The following PCDHAC1 variants were observed in gnomAD, a reference collection of about 807,000 sequenced individuals.
The protein encoded by PCDHAC1 is protocadherin alpha subfamily C, 1.
In PCDHAC1, 42 loss-of-function variants were observed where a neutral mutation model predicts 60.0. The ratio of observed to expected loss-of-function variants is 0.70; its 90% CI spans 0.55 to 0.90. The LOEUF (loss-of-function observed/expected upper bound fraction) is 0.90. Among genes scored for constraint, PCDHAC1 ranks in the 40% least tolerant of loss-of-function variants. The probability of loss-of-function intolerance (pLI) is 0.00; values close to 1 mark genes in which losing one functional copy is unlikely to be tolerated. For missense variants in PCDHAC1, 1,160 were observed against 1,222.3 expected, an observed-to-expected ratio of 0.95 and a Z score of 0.76; for synonymous variants, 468 against 499.3, an observed-to-expected ratio of 0.94 and a Z score of 0.84.
chr5:140,945,516 A>C (rs1192013721), intron 1 of PCDHAC1, among the ~76,000 whole-genome samples: 2 of 152,154 alleles, frequency 1.3e-5, no homozygotes, highest in Non-Finnish European at 2.9e-5. Flanking sequence ...AAAGTAAATA[A>C]ATAAATAAAA....
At chr5:140,953,952 C>G (rs1025145135) in intron 1 of PCDHAC1, among the ~76,000 whole-genome samples, 1 of 152,084 alleles carries the variant, frequency 6.6e-6, no homozygotes, top group Non-Finnish European at 1.5e-5. Flanking sequence ...GCTCCCCCAA[C>G]AGGCCCCAGT....
At chr5:140,975,003 A>G (rs1170426656) in intron 1 of PCDHAC1, among the ~76,000 whole-genome samples, 3 of 152,152 alleles carry the variant, frequency 2.0e-5, no homozygotes, top group Non-Finnish European at 4.4e-5. Flanking sequence ...CAAGGCTGAA[A>G]TGAACACAGC....
chr5:140,930,084 A>T (rs1350674790), intron 1 of PCDHAC1: 2 of 152,142 alleles, frequency 1.3e-5, no homozygotes, highest in Non-Finnish European at 2.9e-5. Flanking sequence ...CTCTCATAAC[A>T]TCTATTTATA....
At chr5:140,952,352 A>G (rs2094730295) in intron 1 of PCDHAC1, among the ~76,000 whole-genome samples, 1 of 103,372 alleles carries the variant, frequency 9.7e-6, no homozygotes, top group Non-Finnish European at 2.0e-5. Flanking sequence ...AAAAAAAAAA[A>G]AAGAAAGAAA....
At chr5:140,967,046 C>T in intron 1 of PCDHAC1, 1 of 1,612,334 alleles carries the variant, frequency 6.2e-7, no homozygotes, top group African/African-American at 1.3e-5. Context: ...GGAGCTGGAC[C>T]TGACGAGTGG....
chr5:140,928,943 T>C lies in PCDHAC1; in HGVS notation c.2051T>C (p.Leu684Ser). ...CAGCTTTCTGCCCAGAACTTGTATTTAGTAATTGCCTTGGCTTGTATTTCC... is the reference window on the plus strand; with the variant it reads ...CAGCTTTCTGCCCAGAACTTGTATTCAGTAATTGCCTTGGCTTGTATTTCC... ...GGQLSAQNLY[L>S]VIALACISFL... The change falls in exon 1 of 4, where the codon TTA becomes TCA. Residue 684 changes from leucine (L) to serine (S), a missense_variant. Around this residue, in one of 3 missense-constraint regions of PCDHAC1, gnomAD observed 1,113 missense variants for 1,163.7 expected, o/e 0.96. Transcript: ENST00000253807. 6.2e-7 allele frequency: 1 copy of C among 1,614,090 alleles called. No homozygotes were observed. The highest frequency in any genetic ancestry group is 8.5e-7 in the Non-Finnish European group (1 of 1,179,998).
At chr5:140,937,789 G>A (rs1413517840) in intron 1 of PCDHAC1, among the ~76,000 whole-genome samples, 1 of 151,816 alleles carries the variant, frequency 6.6e-6, no homozygotes, top group Non-Finnish European at 1.5e-5. Flanking sequence ...GCGGGCGTAT[G>A]TAGTCCCAGC....
At position 141,012,179 on chromosome 5, in the gene PCDHAC1, T is replaced by C. The variant is rs2098423152; in HGVS notation, c.*2242T>C. ...GGGCTAATTTATTAATGATGATAAT[T>C]ATAATGTATCTGTACAGCACTTTTT... is the stretch of plus-strand genomic sequence containing the variant. On this transcript the variant is annotated 3_prime_UTR_variant, in exon 4 of 4. Coordinates refer to ENST00000253807, the MANE Select transcript of PCDHAC1 (RefSeq NM_018898.5). 1 of 153,764 alleles carries C rather than the reference T, an allele frequency of 6.5e-6. No individual in the cohort carries two copies. Among genetic ancestry groups the C allele is most frequent in the South Asian group, 2.1e-4 (1 of 4,828 alleles). 9.5% of individuals were successfully genotyped at this position (153,764 alleles called of 1,614,324 possible). A position where few individuals can be genotyped will look rare whatever the true frequency, so the allele number is the denominator to read the frequency against.
intron 3 of PCDHAC1, among the ~76,000 whole-genome samples, chr5:141,004,848 CAG>C (rs1554259777): frequency 6.6e-6 from 1 of 152,190 alleles, no homozygotes; most frequent in Non-Finnish European, 1.5e-5. Context: ...TCATTAGTCT[CAG>C]AGAAAAAATT....
intron 1 of PCDHAC1, among the ~76,000 whole-genome samples, chr5:140,941,304 C>T (rs1477431460): frequency 4.7e-5 from 4 of 84,830 alleles, no homozygotes; most frequent in African/African-American, 8.5e-5. Flanking sequence ...TTCTTTCTTT[C>T]TTTTTCTTCT....
At chr5:140,990,176 T>G (rs1294066255) in intron 3 of PCDHAC1, among the ~76,000 whole-genome samples, 1 of 152,142 alleles carries the variant, frequency 6.6e-6, no homozygotes, top group Non-Finnish European at 1.5e-5. Context: ...AAAAGGTGAC[T>G]TTTAAGAACC....
At chr5:140,986,696 C>G (rs2097209947) in intron 3 of PCDHAC1, among the ~76,000 whole-genome samples, 2 of 152,130 alleles carry the variant, frequency 1.3e-5, no homozygotes, top group South Asian at 2.1e-4. Context: ...TCAAAACACA[C>G]AGCACTGCAG....
chr5:140,943,420 G>T (rs1197382156), intron 1 of PCDHAC1, among the ~76,000 whole-genome samples: 1 of 152,040 alleles, frequency 6.6e-6, no homozygotes, highest in Non-Finnish European at 1.5e-5. Context: ...AGAGGCAAGG[G>T]CTTTAATATG....
intron 3 of PCDHAC1, among the ~76,000 whole-genome samples, chr5:141,007,339 T>C (rs2098316015): frequency 6.9e-6 from 1 of 143,904 alleles, no homozygotes; most frequent in Non-Finnish European, 1.5e-5. Context: ...TTGCCTGAGC[T>C]CAGGAGTTCG....
intron 1 of PCDHAC1, among the ~76,000 whole-genome samples, chr5:140,974,883 C>T (rs1188748856): frequency 1.3e-5 from 2 of 152,154 alleles, no homozygotes; most frequent in Non-Finnish European, 2.9e-5. Context: ...CTATGTATCC[C>T]TTTTCTGATG....
At chr5:140,964,699 G>A (rs2095849795) in intron 1 of PCDHAC1, among the ~76,000 whole-genome samples, 1 of 151,922 alleles carries the variant, frequency 6.6e-6, no homozygotes, top group Non-Finnish European at 1.5e-5. Context: ...GAGAGATTAA[G>A]GCCTCCGAGA....
chr5:140,947,401 G>A (rs1314695904), intron 1 of PCDHAC1, among the ~76,000 whole-genome samples: 1 of 151,652 alleles, frequency 6.6e-6, no homozygotes, highest in Non-Finnish European at 1.5e-5. Flanking sequence ...AAAGTAGACT[G>A]TCTTGATATT....
intron 1 of PCDHAC1, chr5:140,968,964 G>A (rs782792392): frequency 7.4e-6 from 12 of 1,614,136 alleles, no homozygotes; most frequent in East Asian, 4.5e-5. Context: ...AAGTGCTACC[G>A]CTACACTGCG....
chr5:140,950,711 T>C (rs1173209854), intron 1 of PCDHAC1, among the ~76,000 whole-genome samples: 2 of 152,094 alleles, frequency 1.3e-5, no homozygotes, highest in African/African-American at 4.8e-5. Flanking sequence ...TTTTTGTTCC[T>C]TATATCCTTA....
Sources: gnomAD v4.1 joint callset for allele counts (sites outside exome capture counted in the v4.1 genomes callset) on GRCh38, gnomAD v4.1.1 for gene constraint, gnomAD v4.1.1 regional missense constraint, MANE v1.5 for transcripts, NCBI Gene and HGNC (gene_info 2026-07-23, HGNC 2026-07-21) for gene names.